Variants in PPP2R2B observed in about 807,000 individuals in gnomAD.
The protein encoded by PPP2R2B is serine/threonine-protein phosphatase 2A 55 kDa regulatory subunit B beta isoform.
PPP2R2B carries 5 observed loss-of-function variants against 46.0 expected under a neutral mutation model. The observed-to-expected ratio is 0.11, with a 90% CI of 0.06 to 0.23. The LOEUF is 0.23. PPP2R2B is among the 10% of genes least tolerant of loss of function. The probability of loss-of-function intolerance (pLI) is 1.00; values close to 1 mark genes in which losing one functional copy is unlikely to be tolerated. For missense variants in PPP2R2B, 367 were observed against 575.0 expected (o/e 0.64, Z 3.70); for synonymous variants, 215 against 206.7 (o/e 1.04, Z -0.34).
intron 2 of PPP2R2B, among the ~76,000 whole-genome samples, chr5:146,769,210 C>T (rs574992552): frequency 1.0e-3 from 152 of 152,192 alleles, no homozygotes; most frequent in African/African-American, 3.5e-3. Context: ...TTGCCCTTCT[C>T]GATGTTACTC....
intron 6 of PPP2R2B, among the ~76,000 whole-genome samples, chr5:146,648,979 T>C (rs982226483): frequency 1.3e-5 from 2 of 152,160 alleles, no homozygotes; most frequent in Non-Finnish European, 2.9e-5. Context: ...GGGAAGCTAC[T>C]GGAATGTTTT....
intron 5 of PPP2R2B, among the ~76,000 whole-genome samples, chr5:146,670,161 C>T (rs766936156): frequency 6.6e-6 from 1 of 152,160 alleles, no homozygotes; most frequent in African/African-American, 2.4e-5. Context: ...ATCCAGGACA[C>T]AGGACATTAC....
At chr5:147,066,652 A>G (rs933617596) in intron 2 of PPP2R2B, among the ~76,000 whole-genome samples, 7 of 152,212 alleles carry the variant, frequency 4.6e-5, no homozygotes, top group Admixed American at 6.5e-5. Context: ...CAACTTTTCA[A>G]TAAGTGTCAG....
chr5:146,747,007 C>G (rs1216660468), intron 2 of PPP2R2B, among the ~76,000 whole-genome samples: 2 of 152,188 alleles, frequency 1.3e-5, no homozygotes, highest in African/African-American at 4.8e-5. Context: ...AAGCATTATT[C>G]AAGGGCTAAG....
rs116777398 is a variant in PPP2R2B at position 146,631,226 on chromosome 5, C to T, written c.790+7025G>A. 7.7e-3 allele frequency among the ~76,000 whole-genome samples: 1,174 copies of T among 152,212 alleles called. 22 individuals carry two copies. Among genetic ancestry groups the T allele is most frequent in the African/African-American group, 0.024 (1,017 of 41,530 alleles). On this transcript the variant is annotated intron_variant, in intron 7 of 9. Coordinates refer to ENST00000394411, the MANE Select transcript of PPP2R2B (RefSeq NM_181675.4). ...GTCTCCACCCTGGAGGTAAGGCACCCGGTGGGGCTCTTCAGTCATTCATCA... is the reference window on the plus strand; with the variant it reads ...GTCTCCACCCTGGAGGTAAGGCACCTGGTGGGGCTCTTCAGTCATTCATCA...
At chr5:147,041,296 C>T (rs1756284934) in intron 1 of PPP2R2B, among the ~76,000 whole-genome samples, 2 of 152,150 alleles carry the variant, frequency 1.3e-5, no homozygotes, top group African/African-American at 4.8e-5. Context: ...CTGTAGCAGC[C>T]ATCTAGAAAA....
At chr5:146,731,968 CA>C (rs1284596152) in intron 2 of PPP2R2B, among the ~76,000 whole-genome samples, 4 of 152,116 alleles carry the variant, frequency 2.6e-5, no homozygotes, top group African/African-American at 9.7e-5. Flanking sequence ...AAATATCTCC[CA>C]CTAACTTGAT....
chr5:146,607,999 CTA>C (rs1772452903), intron 7 of PPP2R2B, among the ~76,000 whole-genome samples: 1 of 152,188 alleles, frequency 6.6e-6, no homozygotes, highest in Non-Finnish European at 1.5e-5. Flanking sequence ...TCATAAAACA[CTA>C]TTCTTTTTTG....
intron 2 of PPP2R2B, among the ~76,000 whole-genome samples, chr5:147,067,864 T>C (rs2151909864): frequency 6.6e-6 from 1 of 152,348 alleles, no homozygotes; most frequent in South Asian, 2.1e-4. Context: ...TGTTTGTTGA[T>C]GATGTAGAGA....
chr5:146,928,276 A>G lies in PPP2R2B; in HGVS notation c.79+127389T>C, dbSNP rs560522308. Reference sequence around the variant, plus strand: ...TTATTGGCCCTTTTTAGGTTTATATATATATTTTTTTAGATCAGATCTCTC... The same window carrying G: ...TTATTGGCCCTTTTTAGGTTTATATGTATATTTTTTTAGATCAGATCTCTC... On this transcript the variant is annotated intron_variant, in intron 1 of 8. Transcript: ENST00000336640. Among the ~76,000 whole-genome samples the G allele has an allele frequency of 3.3e-5, 5 of 151,640 alleles. No individual in the cohort carries two copies. In the South Asian group the frequency reaches 1.0e-3, roughly 32 times the overall value.
intron 1 of PPP2R2B, chr5:146,914,353 G>A (rs533492182): frequency 1.3e-5 from 2 of 152,232 alleles, no homozygotes; most frequent in East Asian, 1.9e-4. Context: ...ACATCCATGG[G>A]GTCCTTTGGG....
intron 2 of PPP2R2B, among the ~76,000 whole-genome samples, chr5:146,776,225 C>G (rs143145222): frequency 2.0e-4 from 31 of 152,170 alleles, no homozygotes; most frequent in Non-Finnish European, 4.0e-4. Context: ...AGTTGGAGAA[C>G]TCACATTTCC....
intron 5 of PPP2R2B, among the ~76,000 whole-genome samples, chr5:146,683,034 A>G (rs1778276538): frequency 6.6e-6 from 1 of 152,180 alleles, no homozygotes; most frequent in South Asian, 2.1e-4. Flanking sequence ...CAGGATGGCC[A>G]AGAATATGGC....
chr5:146,971,886 A>G (rs1390550132), intron 1 of PPP2R2B, among the ~76,000 whole-genome samples: 3 of 152,202 alleles, frequency 2.0e-5, no homozygotes, highest in Non-Finnish European at 2.9e-5. Context: ...TTCCTTACTC[A>G]GTTTCCCCTC....
intron 2 of PPP2R2B, among the ~76,000 whole-genome samples, chr5:146,789,724 G>T (rs747257557): frequency 2.0e-5 from 3 of 152,084 alleles, no homozygotes; most frequent in Non-Finnish European, 4.4e-5. Context: ...ATAAGATAAT[G>T]ATAATGGATT....
intron 1 of PPP2R2B, among the ~76,000 whole-genome samples, chr5:146,883,871 T>C (rs1032867766): frequency 1.3e-5 from 2 of 152,204 alleles, no homozygotes; most frequent in African/African-American, 4.8e-5. Flanking sequence ...GATTTTACCA[T>C]GTAAATGTCT....
intron 1 of PPP2R2B, among the ~76,000 whole-genome samples, chr5:147,035,786 T>C (rs1756008340): frequency 8.5e-6 from 1 of 117,904 alleles, no homozygotes; most frequent in African/African-American, 2.8e-5. Context: ...AATGTTTTAA[T>C]GAAAACTGAA....
intron 2 of PPP2R2B, among the ~76,000 whole-genome samples, chr5:146,721,273 T>C (rs1561857455): frequency 6.6e-6 from 1 of 152,340 alleles, no homozygotes; most frequent in East Asian, 1.9e-4. Flanking sequence ...TAATTTATGT[T>C]TCTAATGAAT....
At chr5:146,657,520 A>G (rs779334092) in intron 5 of PPP2R2B, among the ~76,000 whole-genome samples, 5 of 152,200 alleles carry the variant, frequency 3.3e-5, no homozygotes, top group Non-Finnish European at 5.9e-5. Flanking sequence ...ATAATCAATT[A>G]TGTTATGGAA....
Sources: gnomAD v4.1 joint callset for allele counts (sites outside exome capture counted in the v4.1 genomes callset) on GRCh38, gnomAD v4.1.1 for gene constraint, MANE v1.5 for transcripts, NCBI Gene and HGNC (gene_info 2026-07-23, HGNC 2026-07-21) for gene names.